SPRED1: variants seen among roughly 807,000 people sequenced by gnomAD.
The protein encoded by SPRED1 is sprouty related EVH1 domain containing 1, also known as sprouty-related, EVH1 domain-containing protein 1.
SPRED1 carries 18 observed loss-of-function variants against 52.3 expected under a neutral mutation model. The observed-to-expected ratio is 0.34, with a 90% CI of 0.24 to 0.51. SPRED1 has a LOEUF of 0.51. Ranked by LOEUF, SPRED1 falls within the 20% of genes least tolerant of loss-of-function variation. The pLI is 0.97. For synonymous variants in SPRED1, 155 were observed against 179.7 expected (o/e 0.86, Z 1.10); for missense variants, 485 against 551.0 (o/e 0.88, Z 1.20).
chr15:38,310,329 G>T (rs1156719782), intron 2 of SPRED1, among the ~76,000 whole-genome samples: 1 of 151,836 alleles, frequency 6.6e-6, no homozygotes, highest in Non-Finnish European at 1.5e-5. Context: ...TAGTAGAGAC[G>T]GGGGTTTCAC....
intron 1 of SPRED1, among the ~76,000 whole-genome samples, chr15:38,254,729 T>C (rs1019426434): frequency 2.0e-5 from 3 of 152,090 alleles, no homozygotes; most frequent in African/African-American, 7.2e-5. Flanking sequence ...TTCGGGGAGG[T>C]GCTGGGATCA....
At position 38,354,286 on chromosome 15, in the gene SPRED1, A is replaced by G. The variant is rs138645237; in HGVS notation, c.*2622A>G. ...TCTCTGTACAGATTCGGCACTGCCAATTGGCTTTTCCTCTAAAACTTTTCT... is the reference window on the plus strand; with the variant it reads ...TCTCTGTACAGATTCGGCACTGCCAGTTGGCTTTTCCTCTAAAACTTTTCT... On this transcript the variant is annotated 3_prime_UTR_variant, in exon 7 of 7. Transcript: ENST00000299084. The G allele has an allele frequency of 6.6e-6, 1 of 152,350 alleles. No individual in the cohort carries two copies. Among genetic ancestry groups the G allele is most frequent in the Admixed American group, 6.5e-5 (1 of 15,300 alleles). 9.4% of individuals were successfully genotyped at this position (152,350 alleles called of 1,614,324 possible).
At chr15:38,264,501 G>A (rs1894264620) in intron 1 of SPRED1, among the ~76,000 whole-genome samples, 1 of 152,206 alleles carries the variant, frequency 6.6e-6, no homozygotes, top group African/African-American at 2.4e-5. Context: ...GATGACATGT[G>A]AGGGAAGATT....
intron 1 of SPRED1, among the ~76,000 whole-genome samples, chr15:38,267,978 T>C (rs919723129): frequency 1.3e-5 from 2 of 152,218 alleles, no homozygotes; most frequent in African/African-American, 4.8e-5. Context: ...ATTAAAAACA[T>C]TTCATATTGG....
chr15:38,308,343 A>G (rs1016255358), intron 2 of SPRED1, among the ~76,000 whole-genome samples: 2 of 152,218 alleles, frequency 1.3e-5, no homozygotes, highest in Admixed American at 6.5e-5. Flanking sequence ...GATACAATCT[A>G]TCATATTCAG....
At chr15:38,290,696 A>G (rs926534373) in intron 1 of SPRED1, among the ~76,000 whole-genome samples, 1 of 152,192 alleles carries the variant, frequency 6.6e-6, no homozygotes, top group African/African-American at 2.4e-5. Context: ...GGAAGAAGCA[A>G]AAGTGGAAAC....
intron 4 of SPRED1, 79 bp from the exon 5 acceptor site, chr15:38,339,658 T>C: frequency 2.1e-6 from 3 of 1,459,436 alleles, no homozygotes; most frequent in East Asian, 2.3e-5. Context: ...TAAATACTTT[T>C]TAGAGTGAAA....
chr15:38,305,965 T>C (rs1021271333), intron 2 of SPRED1, among the ~76,000 whole-genome samples: 1 of 152,156 alleles, frequency 6.6e-6, no homozygotes, highest in African/African-American at 2.4e-5. Flanking sequence ...CCCTCTCATA[T>C]CTTTCCTGCA....
intron 1 of SPRED1, among the ~76,000 whole-genome samples, chr15:38,282,647 G>C (rs1023850910): frequency 1.3e-5 from 2 of 152,124 alleles, no homozygotes; most frequent in Non-Finnish European, 1.5e-5. Flanking sequence ...TTGAGTTTGG[G>C]GATCTTGGAA....
At chr15:38,292,210 C>A (rs1258982562) in intron 1 of SPRED1, among the ~76,000 whole-genome samples, 1 of 152,182 alleles carries the variant, frequency 6.6e-6, no homozygotes, top group Admixed American at 6.5e-5. Flanking sequence ...CAGTTCCCAA[C>A]AAGTTCCTCA....
intron 4 of SPRED1, among the ~76,000 whole-genome samples, chr15:38,331,780 G>A (rs1345686578): frequency 6.6e-6 from 1 of 152,034 alleles, no homozygotes; most frequent in African/African-American, 2.4e-5. Flanking sequence ...AACAATTAAG[G>A]GGTTTTCAGT....
At chr15:38,276,356 G>GTT (rs1894553645) in intron 1 of SPRED1, among the ~76,000 whole-genome samples, 1 of 151,702 alleles carries the variant, frequency 6.6e-6, no homozygotes, top group South Asian at 2.1e-4. Context: ...ATGCGGAAGT[G>GTT]TTATATATAT....
rs1894268313 is a variant in SPRED1 at position 38,264,607 on chromosome 15, AG to A, written c.32+11393del. On this transcript the variant is annotated intron_variant, in intron 1 of 6. Transcript: ENST00000299084. The stretch of plus-strand genomic sequence containing the variant: ...GAACAGTATGGATGTTTGGATAGCT[AG>A]GGTGGTATCAGGAGTTGAGGTGGAG... 3.9e-5 allele frequency among the ~76,000 whole-genome samples: 6 copies of A among 152,130 alleles called. No individual in the cohort carries two copies. In the South Asian group the frequency reaches 1.2e-3, roughly 31 times the overall value.
chr15:38,295,589 A>G (rs1895019562), intron 1 of SPRED1, among the ~76,000 whole-genome samples: 2 of 152,204 alleles, frequency 1.3e-5, no homozygotes, highest in South Asian at 4.1e-4. Flanking sequence ...AGAATTCCAT[A>G]GGAGTCAATA....
intron 1 of SPRED1, among the ~76,000 whole-genome samples, chr15:38,293,098 A>ATTTTTTTTTT (rs1566857726): frequency 2.5e-4 from 5 of 20,204 alleles, no homozygotes; most frequent in South Asian, 3.2e-3. Context: ...CAAGATTACA[A>ATTTTTTTTTT]CTTTTTTTTT....
chr15:38,351,192 A>C lies in SPRED1; in HGVS notation c.863A>C (p.Lys288Thr). The stretch of plus-strand genomic sequence containing the variant: ...ATTCAGTTTTCTAAACCAGACAGTA[A>C]AAAATCAGACTATCTGTACTCTTGT... ...SSIQFSKPDS[K>T]KSDYLYSCGD... Residue 288 changes from lysine (K) to threonine (T), a missense_variant, in exon 7 of 7, where the codon AAA becomes ACA. Transcript: ENST00000299084. 6.2e-7 allele frequency: 1 copy of C among 1,614,156 alleles called. No homozygotes were observed. Among genetic ancestry groups the C allele is most frequent in the Non-Finnish European group, 8.5e-7 (1 of 1,180,028 alleles).
Position 38,346,437 on chromosome 15 carries a change from A to T in SPRED1, c.583-2985A>T, listed in dbSNP as rs1046254855. ...CACGGGTTCATTTCCCTGTAGACAA[A>T]TATGACAGCATATTTCAAAGATTTA... On this transcript the variant is annotated intron_variant, in intron 5 of 6. Transcript: ENST00000299084. Among the ~76,000 whole-genome samples the T allele has an allele frequency of 3.3e-5, 5 of 152,310 alleles. No homozygotes were observed. In the South Asian group the frequency reaches 1.0e-3, roughly 32 times the overall value.
chr15:38,283,654 G>A (rs1407330308), intron 1 of SPRED1: 2 of 308,818 alleles, frequency 6.5e-6, no homozygotes, highest in Non-Finnish European at 9.4e-6. Context: ...AGTGTGATAT[G>A]AGTGGCTGTT....
intron 1 of SPRED1, among the ~76,000 whole-genome samples, chr15:38,261,998 C>T (rs372636317): frequency 5.1e-4 from 69 of 135,636 alleles, no homozygotes; most frequent in African/African-American, 9.2e-4. Flanking sequence ...TCACCAAACT[C>T]TTTTTTTTTT....
Sources: allele counts gnomAD v4.1 joint callset (sites outside exome capture counted in the v4.1 genomes callset), GRCh38; gene constraint gnomAD v4.1.1; transcripts MANE v1.5; gene names NCBI Gene and HGNC (gene_info 2026-07-23, HGNC 2026-07-21).